ZNRF2: variants seen among roughly 807,000 people sequenced by gnomAD.
The protein encoded by ZNRF2 is zinc and ring finger 2.
Under a neutral mutation model 20.4 loss-of-function variants are expected in ZNRF2, and 16 were observed. The ratio of observed to expected loss-of-function variants is 0.79; its 90% CI spans 0.53 to 1.19. The LOEUF (loss-of-function observed/expected upper bound fraction) is 1.19, where lower values mean the gene tolerates loss of function less well. Among genes scored for constraint, ZNRF2 ranks in the 50% most tolerant of loss-of-function variants. The pLI is 0.00. For synonymous variants in ZNRF2, 178 were observed against 144.9 expected (o/e 1.23, Z -1.64); for missense variants, 363 against 332.4 (o/e 1.09, Z -0.72).
intron 2 of ZNRF2, among the ~76,000 whole-genome samples, chr7:30,334,585 T>A (rs2127950112): frequency 6.6e-6 from 1 of 151,612 alleles, no homozygotes; most frequent in Non-Finnish European, 1.5e-5. Context: ...AGGACTCTAT[T>A]ATCTAACATG....
chr7:30,296,015 T>G (rs1243972350), intron 1 of ZNRF2, among the ~76,000 whole-genome samples: 2 of 152,234 alleles, frequency 1.3e-5, no homozygotes, highest in African/African-American at 4.8e-5. Context: ...ATTGAGTTTT[T>G]CAGCACATTT....
Position 30,297,617 on chromosome 7 carries a change from C to A in ZNRF2, c.469+11791C>A, listed in dbSNP as rs1381115380. ...GTGTTGCTGTTGAGCACATAGATGT[C>A]ATTATGGTTTTTGATCCTTTGTATG... On this transcript the variant is annotated intron_variant, in intron 1 of 4. Transcript: ENST00000323037. Among the ~76,000 whole-genome samples, 7 of 152,148 alleles carry A rather than the reference C, an allele frequency of 4.6e-5. 1 individual carries two copies. In the South Asian group the frequency reaches 6.2e-4, roughly 14 times the overall value.
rs73686000 is a variant in ZNRF2, at chr7:30,319,337, T to C, written c.470-4305T>C. ...TGATAGCCACTGTTTACTGAATACT[T>C]ACTATGTTGCAGGCATTATATATAC... is the stretch of plus-strand genomic sequence containing the variant. On this transcript the variant is annotated intron_variant, in intron 1 of 4. Transcript: ENST00000323037. 9.9e-3 allele frequency among the ~76,000 whole-genome samples: 1,506 copies of C among 152,284 alleles called. 22 individuals carry two copies. The highest frequency in any genetic ancestry group is 0.033 in the African/African-American group (1,380 of 41,544).
chr7:30,311,122 G>A (rs1799285719), intron 1 of ZNRF2, among the ~76,000 whole-genome samples: 1 of 152,122 alleles, frequency 6.6e-6, no homozygotes, highest in Admixed American at 6.6e-5. Flanking sequence ...CTGTATGTAA[G>A]CCTCCAGTAA....
chr7:30,353,508 G>A lies in ZNRF2; in HGVS notation c.566-2220G>A, dbSNP rs915632211. On this transcript the variant is annotated intron_variant, in intron 2 of 4. Coordinates refer to ENST00000323037, the MANE Select transcript of ZNRF2 (RefSeq NM_147128.4). ...ATTGTTTAAACTTAGTACCTGCAAA[G>A]CATCTGAGGGATAAGTCTCGCCCCT... Among the ~76,000 whole-genome samples the A allele has an allele frequency of 3.9e-5, 6 of 152,080 alleles. No individual in the cohort carries two copies. The East Asian group carries it at 9.6e-4, about 24-fold the overall frequency.
intron 1 of ZNRF2, among the ~76,000 whole-genome samples, chr7:30,309,128 A>G (rs1158186913): frequency 1.3e-5 from 2 of 152,178 alleles, no homozygotes; most frequent in Non-Finnish European, 2.9e-5. Flanking sequence ...TTTACTTTAA[A>G]AAGTTAGAAT....
chr7:30,338,155 G>C (rs1296797576), intron 2 of ZNRF2, among the ~76,000 whole-genome samples: 3 of 152,070 alleles, frequency 2.0e-5, no homozygotes, highest in Non-Finnish European at 2.9e-5. Flanking sequence ...CTGGTATTTT[G>C]TGTGTGTATG....
chr7:30,344,735 A>G lies in ZNRF2; in HGVS notation c.566-10993A>G, dbSNP rs1799852005. On this transcript the variant is annotated intron_variant, in intron 2 of 4. Coordinates refer to ENST00000323037, the MANE Select transcript of ZNRF2 (RefSeq NM_147128.4). ...GATGTCTCTTGGCTAGCTGAAGTTC[A>G]TCCTCATAGAAATCCTTTCACATGG... is the stretch of plus-strand genomic sequence containing the variant. Among the ~76,000 whole-genome samples, 5 of 152,204 alleles carry G rather than the reference A, an allele frequency of 3.3e-5. No individual in the cohort carries two copies. In the South Asian group the frequency reaches 1.0e-3, roughly 31 times the overall value.
chr7:30,331,727 TAAAA>T (rs1457203871), intron 2 of ZNRF2, among the ~76,000 whole-genome samples: 1 of 152,066 alleles, frequency 6.6e-6, no homozygotes, highest in African/African-American at 2.4e-5. Flanking sequence ...CTGCCATAAA[TAAAA>T]ATAAATCCAT....
chr7:30,288,585 G>T (rs907746827), intron 1 of ZNRF2, among the ~76,000 whole-genome samples: 1 of 152,194 alleles, frequency 6.6e-6, no homozygotes, highest in East Asian at 1.9e-4. Context: ...TTGGACATCT[G>T]TTTTGGCTAT....
chr7:30,365,243 G>C (rs1800194838), intron 4 of ZNRF2, among the ~76,000 whole-genome samples: 2 of 144,772 alleles, frequency 1.4e-5, no homozygotes, highest in Non-Finnish European at 3.0e-5. Context: ...GTGTCACAGT[G>C]AGCTTATGGG....
intron 3 of ZNRF2, among the ~76,000 whole-genome samples, chr7:30,359,803 A>G (rs1230077156): frequency 6.6e-6 from 1 of 152,182 alleles, no homozygotes; most frequent in Non-Finnish European, 1.5e-5. Flanking sequence ...AGGAATGAGC[A>G]TGTCTTTGTT....
intron 2 of ZNRF2, among the ~76,000 whole-genome samples, chr7:30,329,581 T>C (rs1799605563): frequency 1.3e-5 from 2 of 152,186 alleles, no homozygotes; most frequent in Non-Finnish European, 2.9e-5. Context: ...GCCTGGCTTA[T>C]TTCACTTAAC....
At chr7:30,314,700 G>A (rs1239977989) in intron 1 of ZNRF2, among the ~76,000 whole-genome samples, 1 of 151,902 alleles carries the variant, frequency 6.6e-6, no homozygotes, top group Non-Finnish European at 1.5e-5. Flanking sequence ...AACAATAGCT[G>A]TCCAATTTTT....
At chr7:30,322,078 A>G (rs1344981421) in intron 1 of ZNRF2, among the ~76,000 whole-genome samples, 3 of 151,712 alleles carry the variant, frequency 2.0e-5, no homozygotes, top group Non-Finnish European at 4.4e-5. Flanking sequence ...GTTGGGCCAC[A>G]TTAGGCCATG....
chr7:30,294,023 T>C (rs978427038), intron 1 of ZNRF2, among the ~76,000 whole-genome samples: 3 of 152,130 alleles, frequency 2.0e-5, no homozygotes, highest in Non-Finnish European at 2.9e-5. Context: ...CTTTTTTTTC[T>C]TTCCTTTTTG....
At chr7:30,296,040 A>G (rs949111935) in intron 1 of ZNRF2, among the ~76,000 whole-genome samples, 2 of 152,232 alleles carry the variant, frequency 1.3e-5, no homozygotes, top group Non-Finnish European at 2.9e-5. Context: ...TGCCAAACAC[A>G]TGGTAAAAAC....
At chr7:30,327,818 C>A (rs1210245139) in intron 2 of ZNRF2, among the ~76,000 whole-genome samples, 1 of 152,120 alleles carries the variant, frequency 6.6e-6, no homozygotes, top group Admixed American at 6.6e-5. Context: ...CCTCCTACCT[C>A]AGCCTCCTAA....
At chr7:30,310,673 A>G (rs954429887) in intron 1 of ZNRF2, among the ~76,000 whole-genome samples, 1 of 152,216 alleles carries the variant, frequency 6.6e-6, no homozygotes, top group Non-Finnish European at 1.5e-5. Context: ...AAAAATTGAC[A>G]GTAGGCCACA....
Sources: allele counts gnomAD v4.1 joint callset (sites outside exome capture counted in the v4.1 genomes callset), GRCh38; gene constraint gnomAD v4.1.1; transcripts MANE v1.5; gene names NCBI Gene and HGNC (gene_info 2026-07-23, HGNC 2026-07-21).